The following MCM10 variants were observed in gnomAD, a reference collection of about 807,000 sequenced individuals.
MCM10 encodes protein MCM10 homolog.
In MCM10, 91 loss-of-function variants were observed where a neutral mutation model predicts 109.9. The observed-to-expected ratio is 0.83, with a 90% CI of 0.70 to 0.99. MCM10 has a LOEUF of 0.99. Among genes scored for constraint, MCM10 ranks in the 50% least tolerant of loss-of-function variants. MCM10 has a pLI of 0.00. For synonymous variants in MCM10, 380 were observed against 387.2 expected (o/e 0.98, Z 0.22); for missense variants, 1,077 against 1,061.2 (o/e 1.01, Z -0.21).
At chr10:13,164,479 T>C (rs1048671767) in intron 2 of MCM10, among the ~76,000 whole-genome samples, 4 of 152,210 alleles carry the variant, frequency 2.6e-5, no homozygotes, top group Non-Finnish European at 4.4e-5. Context: ...TCCAAGATCC[T>C]TGTGGAAATT....
chr10:13,190,936 A>G lies in MCM10; in HGVS notation c.1416-363A>G, dbSNP rs1479915624. Among the ~76,000 whole-genome samples, 42 of 152,322 alleles carry G rather than the reference A, an allele frequency of 2.8e-4. 1 individual carries two copies. The highest frequency in any genetic ancestry group is 8.8e-5 in the Non-Finnish European group (6 of 68,038). ...GTGGGTGAACGTTAATGGTGTTTCC[A>G]ATGTATGACATTATAAACAAAGCTG... On this transcript the variant is annotated intron_variant, in intron 10 of 19. Transcript: ENST00000378714.
Position 13,186,225 on chromosome 10 carries a change from G to T in MCM10, c.1160G>T (p.Gly387Val). 1 of 1,613,380 alleles carries T rather than the reference G, an allele frequency of 6.2e-7. No individual in the cohort carries two copies. Among genetic ancestry groups the T allele is most frequent in the Non-Finnish European group, 8.5e-7 (1 of 1,179,552 alleles). The change falls in exon 9 of 20, where the codon GGA becomes GTA. Residue 387 changes from glycine (G) to valine (V), a missense_variant. By Grantham distance (109) the Gly-to-Val change is moderately radical. Coordinates refer to ENST00000378714, the MANE Select transcript of MCM10 (RefSeq NM_018518.5). The stretch of plus-strand genomic sequence containing the variant: ...ATTATGGGTGAAGCTCTTGACCTGG[G>T]AACCTGTAAAGCCAAGAAGAAGAAT... ...VLIMGEALDL[G>V]TCKAKKKNGE...
chr10:13,163,638 A>G (rs1288368697), intron 1 of MCM10, among the ~76,000 whole-genome samples: 2 of 152,140 alleles, frequency 1.3e-5, no homozygotes, highest in African/African-American at 4.8e-5. Flanking sequence ...CAGGTGTATT[A>G]CAGTGAATAA....
intron 9 of MCM10, 127 bp downstream of exon 9, chr10:13,186,407 A>G (rs555994774): frequency 5.0e-6 from 3 of 596,834 alleles, no homozygotes; most frequent in Admixed American, 6.0e-5. Context: ...AGTCAAAATG[A>G]GAAAATTTAA....
At chr10:13,195,396 G>A in intron 14 of MCM10, 127 bp downstream of exon 14, 1 of 717,444 alleles carries the variant, frequency 1.4e-6, no homozygotes, top group African/African-American at 1.8e-5. Context: ...TGAAAACATG[G>A]TAGTGTCAAC....
intron 2 of MCM10, among the ~76,000 whole-genome samples, chr10:13,167,319 C>G (rs1015681700): frequency 2.0e-5 from 3 of 151,974 alleles, no homozygotes; most frequent in African/African-American, 7.3e-5. Context: ...TGTAGGTAGG[C>G]TGATGGGTTA....
intron 13 of MCM10, among the ~76,000 whole-genome samples, chr10:13,193,320 A>T (rs1254028349): frequency 1.3e-5 from 2 of 151,264 alleles, no homozygotes; most frequent in Admixed American, 1.3e-4. Context: ...AAAAAAAATC[A>T]AGTGGAAATG....
intron 5 of MCM10, 34 bp from the exon 6 acceptor site, chr10:13,175,476 G>T: frequency 6.3e-7 from 1 of 1,577,274 alleles, no homozygotes; most frequent in South Asian, 1.1e-5. Context: ...TTATCAGTGT[G>T]GTTGCCTTTT....
At chr10:13,162,969 C>T (rs1237186399) in intron 1 of MCM10, among the ~76,000 whole-genome samples, 2 of 151,956 alleles carry the variant, frequency 1.3e-5, no homozygotes, top group Non-Finnish European at 2.9e-5. Flanking sequence ...GTCCCAGCTA[C>T]TCGGGAGGCT....
chr10:13,171,784 A>G (rs1834077134), intron 3 of MCM10, among the ~76,000 whole-genome samples: 1 of 150,276 alleles, frequency 6.7e-6, no homozygotes, highest in Non-Finnish European at 1.5e-5. Context: ...TTTTTTTCCG[A>G]GACAGATTCT....
chr10:13,201,652 A>T (rs1834501396), intron 17 of MCM10, 118 bp downstream of exon 17: 15 of 755,576 alleles, frequency 2.0e-5, no homozygotes, highest in Non-Finnish European at 2.2e-5. Context: ...TCAGTTAATT[A>T]GGCTGGAAAG....
intron 13 of MCM10, 60 bp downstream of exon 13, chr10:13,192,628 C>T (rs554388793): frequency 1.2e-5 from 17 of 1,436,478 alleles, no homozygotes; most frequent in South Asian, 5.9e-5. Context: ...GTCCTCAGAA[C>T]GTCTTCATCG....
At chr10:13,194,322 C>T (rs11816496) in intron 13 of MCM10, among the ~76,000 whole-genome samples, 22,663 of 152,172 alleles carry the variant, frequency 0.15, 2,003 homozygotes, top group South Asian at 0.2. Context: ...GCAATCGTGC[C>T]AACGCACTCT....
chr10:13,209,350 C>A lies in MCM10; in HGVS notation c.*40C>A. 1 of 1,492,060 alleles carries A rather than the reference C, an allele frequency of 6.7e-7. No homozygotes were observed. Among genetic ancestry groups the A allele is most frequent in the Non-Finnish European group, 9.3e-7 (1 of 1,071,734 alleles). The allele number at this position is 1,492,060 out of a possible 1,614,324, so 92.4% of individuals were successfully genotyped here. The stretch of plus-strand genomic sequence containing the variant: ...ATTTTCCCACAGACTTCCTGGCCTC[C>A]TGTGACTCTGGAAAGCAAAGGATTG... On this transcript the variant is annotated 3_prime_UTR_variant, in exon 20 of 20. Coordinates refer to ENST00000378714, the MANE Select transcript of MCM10 (RefSeq NM_018518.5).
chr10:13,198,618 T>G (rs1588477900), intron 15 of MCM10, 71 bp from the exon 16 acceptor site: 2 of 932,344 alleles, frequency 2.1e-6, no homozygotes. Context: ...TGGGAGGGAG[T>G]AGAGTTGATG....
In MCM10 at chr10:13,201,534, G is replaced by C; in HGVS notation, c.2352G>C (p.Thr784=). 6.3e-7 allele frequency: 1 copy of C among 1,599,338 alleles called. No homozygotes were observed. The highest frequency in any genetic ancestry group is 8.5e-7 in the Non-Finnish European group (1 of 1,171,632). The part of the protein sequence containing the change: ...EVKCRVVTCK[T]CAYTHFKLLE... ...AGTGCCGTGTCGTGACATGCAAGAC[G>C]GTGGGTGAAGGTGGGGGCTGCAGCA... Residue 784 remains threonine (T), a splice_region_variant and synonymous_variant, in exon 17 of 20, where the codon ACG becomes ACC. Coordinates refer to ENST00000378714, the MANE Select transcript of MCM10 (RefSeq NM_018518.5).
chr10:13,170,436 G>A (rs1450861036), intron 2 of MCM10, among the ~76,000 whole-genome samples: 1 of 152,010 alleles, frequency 6.6e-6, no homozygotes, highest in Non-Finnish European at 1.5e-5. Context: ...ATCTATGTTT[G>A]GTGTTTTAAA....
intron 13 of MCM10, among the ~76,000 whole-genome samples, chr10:13,193,328 A>G (rs1252649598): frequency 1.3e-5 from 2 of 152,120 alleles, no homozygotes; most frequent in African/African-American, 4.8e-5. Context: ...TCAAGTGGAA[A>G]TGCATAGGGT....
chr10:13,195,376 C>T, intron 14 of MCM10, 107 bp downstream of exon 14: 1 of 833,468 alleles, frequency 1.2e-6, no homozygotes, highest in Non-Finnish European at 1.8e-6. Flanking sequence ...TCATTAGAGT[C>T]AGTGTAATTT....
Sources: allele counts gnomAD v4.1 joint callset (sites outside exome capture counted in the v4.1 genomes callset), GRCh38; gene constraint gnomAD v4.1.1; transcripts MANE v1.5; gene names NCBI Gene and HGNC (gene_info 2026-07-23, HGNC 2026-07-21).